The following AUTS2 variants were observed in gnomAD, a reference collection of about 807,000 sequenced individuals.
AUTS2 encodes autism susceptibility gene 2 protein.
A neutral mutation model predicts 112.4 loss-of-function variants in AUTS2; 17 were observed. The ratio of observed to expected loss-of-function variants is 0.15; its 90% confidence interval spans 0.10 to 0.23. The LOEUF (loss-of-function observed/expected upper bound fraction) is 0.23. Ranked by LOEUF, AUTS2 falls within the 10% of genes least tolerant of loss-of-function variation. AUTS2 has a pLI of 1.00. For synonymous variants in AUTS2, 751 were observed against 702.7 expected (o/e 1.07, Z -1.09); for missense variants, 1,510 against 1,701.6 (o/e 0.89, Z 1.98).
chr7:69,663,805 A>G (rs564471009), intron 1 of AUTS2, among the ~76,000 whole-genome samples: 3 of 152,234 alleles, frequency 2.0e-5, no homozygotes, highest in Non-Finnish European at 4.4e-5. Flanking sequence ...CTTCTTGGAA[A>G]TAACAGGTGT....
intron 2 of AUTS2, among the ~76,000 whole-genome samples, chr7:70,074,976 T>C (rs1415195421): frequency 1.3e-5 from 2 of 152,228 alleles, no homozygotes; most frequent in Non-Finnish European, 2.9e-5. Flanking sequence ...AGGTCATTAC[T>C]GAGCTTTCTA....
In AUTS2 at chr7:70,078,224, GT is replaced by G. The variant is rs11443020; in HGVS notation, c.523-39899del. Among the ~76,000 whole-genome samples the G allele has an allele frequency of 1.7e-4, 26 of 151,152 alleles. No homozygotes were observed. The East Asian group carries it at 4.7e-3, about 27-fold the overall frequency. Reference sequence around the variant, plus strand: ...GACAGTACCAAACCCTTTCCATACTGTTTTTTTTTAATATGATAACCAAGAC... The same window carrying G: ...GACAGTACCAAACCCTTTCCATACTGTTTTTTTTAATATGATAACCAAGAC... On this transcript the variant is annotated intron_variant, in intron 2 of 18. Coordinates refer to ENST00000342771, the MANE Select transcript of AUTS2 (RefSeq NM_015570.4).
chr7:69,779,450 A>T lies in AUTS2; in HGVS notation c.310-119836A>T, dbSNP rs143046953. Among the ~76,000 whole-genome samples, 309 of 152,218 alleles carry T rather than the reference A, an allele frequency of 2.0e-3. 1 individual carries two copies. Among genetic ancestry groups the T allele is most frequent in the African/African-American group, 7.1e-3 (296 of 41,532 alleles). Reference sequence around the variant, plus strand: ...CAAGAAATCTGTTATGTTCAAAATAAAGGAGTATAACTTAAAAAATATATA... The same window carrying T: ...CAAGAAATCTGTTATGTTCAAAATATAGGAGTATAACTTAAAAAATATATA... On this transcript the variant is annotated intron_variant, in intron 1 of 18. Transcript: ENST00000342771.
chr7:69,851,473 C>T (rs1792479080), intron 1 of AUTS2, among the ~76,000 whole-genome samples: 1 of 152,172 alleles, frequency 6.6e-6, no homozygotes, highest in South Asian at 2.1e-4. Flanking sequence ...TGGTCTTAAA[C>T]ACCTGGACAC....
intron 1 of AUTS2, among the ~76,000 whole-genome samples, chr7:69,626,289 C>G (rs764032238): frequency 1.3e-5 from 2 of 152,136 alleles, no homozygotes; most frequent in Non-Finnish European, 2.9e-5. Context: ...AACATACCAG[C>G]TGTTCACTGT....
chr7:69,965,655 T>C (rs1053008422), intron 2 of AUTS2, among the ~76,000 whole-genome samples: 5 of 152,154 alleles, frequency 3.3e-5, no homozygotes, highest in Admixed American at 2.0e-4. Context: ...ACCTGGCTGC[T>C]GGAAAGATTT....
At chr7:69,679,519 T>G (rs1218664204) in intron 1 of AUTS2, among the ~76,000 whole-genome samples, 2 of 152,214 alleles carry the variant, frequency 1.3e-5, no homozygotes, top group Admixed American at 6.5e-5. Flanking sequence ...TTTATGGAAA[T>G]AAATGATGAT....
intron 3 of AUTS2, among the ~76,000 whole-genome samples, chr7:70,129,927 G>T (rs1357581739): frequency 6.6e-6 from 1 of 151,854 alleles, no homozygotes; most frequent in Non-Finnish European, 1.5e-5. Flanking sequence ...GTGTGTGTGT[G>T]TGTTTGGTCG....
Position 69,912,276 on chromosome 7 carries a change from A to G in AUTS2, c.522+12778A>G, listed in dbSNP as rs1795391697. Among the ~76,000 whole-genome samples the G allele has an allele frequency of 2.0e-5, 3 of 152,220 alleles. No individual in the cohort carries two copies. In the South Asian group the frequency reaches 6.2e-4, roughly 31 times the overall value. On this transcript the variant is annotated intron_variant, in intron 2 of 18. Transcript: ENST00000342771. ...TAGGCACTTCCAAGACTGCTCGGGC[A>G]GGGGCACTTCCCCAGGCGCCTGAGA...
intron 4 of AUTS2, among the ~76,000 whole-genome samples, chr7:70,158,873 T>C (rs1465028271): frequency 6.6e-6 from 1 of 152,174 alleles, no homozygotes; most frequent in Non-Finnish European, 1.5e-5. Flanking sequence ...ACCTATGATA[T>C]ACTCAAGGCA....
At chr7:70,184,366 C>T (rs562053603) in intron 4 of AUTS2, among the ~76,000 whole-genome samples, 2 of 152,268 alleles carry the variant, frequency 1.3e-5, no homozygotes, top group South Asian at 4.1e-4. Context: ...CCTCCAAGAA[C>T]AAGAATTTCT....
chr7:70,368,884 C>T (rs988618999), intron 4 of AUTS2, among the ~76,000 whole-genome samples: 20 of 151,864 alleles, frequency 1.3e-4, no homozygotes, highest in Admixed American at 1.3e-3. Context: ...AGGGGTCTTA[C>T]AAGAGTGGTA....
chr7:69,647,609 G>A (rs1795082833), intron 1 of AUTS2, among the ~76,000 whole-genome samples: 1 of 152,166 alleles, frequency 6.6e-6, no homozygotes, highest in African/African-American at 2.4e-5. Context: ...TCCTGCCTCA[G>A]CTTCCCCTAA....
chr7:70,346,800 C>T (rs1421081577), intron 4 of AUTS2, among the ~76,000 whole-genome samples: 2 of 152,116 alleles, frequency 1.3e-5, no homozygotes, highest in African/African-American at 2.4e-5. Context: ...GCTCCATGGT[C>T]CCCAAATGAA....
At chr7:69,902,573 A>T (rs1193080073) in intron 2 of AUTS2, among the ~76,000 whole-genome samples, 1 of 152,226 alleles carries the variant, frequency 6.6e-6, no homozygotes, top group African/African-American at 2.4e-5. Context: ...CTGAGCAGAC[A>T]ACTTAATGCA....
intron 1 of AUTS2, among the ~76,000 whole-genome samples, chr7:69,606,157 A>G (rs1450412531): frequency 2.6e-5 from 4 of 152,182 alleles, no homozygotes; most frequent in Non-Finnish European, 5.9e-5. Context: ...TCACTGTTGA[A>G]AAAGGGTTAA....
intron 5 of AUTS2, among the ~76,000 whole-genome samples, chr7:70,697,133 AT>A (rs376917633): frequency 1.6e-3 from 243 of 150,706 alleles, no homozygotes; most frequent in African/African-American, 5.7e-3. Flanking sequence ...TCCCATTAAC[AT>A]TTTTTTTTGG....
chr7:70,566,061 T>C (rs893910079), intron 5 of AUTS2, among the ~76,000 whole-genome samples: 5 of 152,200 alleles, frequency 3.3e-5, no homozygotes, highest in Non-Finnish European at 7.3e-5. Flanking sequence ...ACTGTGTGCA[T>C]AAGATTGAGG....
At chr7:70,614,674 G>A (rs945504796) in intron 5 of AUTS2, among the ~76,000 whole-genome samples, 9 of 152,150 alleles carry the variant, frequency 5.9e-5, no homozygotes, top group African/African-American at 1.7e-4. Context: ...TCTTAGCCTG[G>A]GTCTGGCGCA....
Sources: gnomAD v4.1 joint callset for allele counts (sites outside exome capture counted in the v4.1 genomes callset) on GRCh38, gnomAD v4.1.1 for gene constraint, MANE v1.5 for transcripts, NCBI Gene and HGNC (gene_info 2026-07-23, HGNC 2026-07-21) for gene names.